Variants in CYP2J2 observed in about 807,000 individuals in gnomAD.
CYP2J2 encodes the protein cytochrome P450 2J2.
A neutral mutation model predicts 48.8 loss-of-function variants in CYP2J2; 41 were observed. The ratio of observed to expected loss-of-function variants is 0.84; its 90% CI spans 0.66 to 1.09. The LOEUF is 1.09. CYP2J2 is among the 50% of genes least tolerant of loss of function. CYP2J2 has a pLI of 0.00. For synonymous variants in CYP2J2, 221 were observed against 227.1 expected (o/e 0.97, Z 0.24); for missense variants, 644 against 617.3 (o/e 1.04, Z -0.46).
chr1:59,930,036 G>A (rs1644595660), upstream of CYP2J2, among the ~76,000 whole-genome samples: 1 of 151,722 alleles, frequency 6.6e-6, no homozygotes, highest in Non-Finnish European at 1.5e-5. Context: ...AGTTCATTCA[G>A]TAAGTTGGAA....
the CYP2J2 span, among the ~76,000 whole-genome samples, chr1:59,937,512 A>G: frequency 1.3e-5 from 2 of 152,080 alleles, no homozygotes; most frequent in South Asian, 2.1e-4. Context: ...GAACTAACTT[A>G]AACACAGTTA....
At chr1:59,940,653 T>G in the CYP2J2 span, among the ~76,000 whole-genome samples, 1 of 152,222 alleles carries the variant, frequency 6.6e-6, no homozygotes, top group Admixed American at 6.5e-5. Flanking sequence ...AAAAGATACC[T>G]GCATTTGTAT....
intron 1 of CYP2J2, among the ~76,000 whole-genome samples, chr1:59,918,550 C>G (rs562121965): frequency 2.6e-5 from 4 of 152,056 alleles, no homozygotes; most frequent in Admixed American, 1.3e-4. Context: ...ACAATTCTTA[C>G]GTGCACCCTG....
chr1:59,943,465 T>G, the CYP2J2 span, among the ~76,000 whole-genome samples: 2 of 152,018 alleles, frequency 1.3e-5, no homozygotes, highest in Non-Finnish European at 2.9e-5. Flanking sequence ...GAGAGAGGAA[T>G]ATGTTGTTGG....
chr1:59,921,429 A>T (rs1644514402), intron 1 of CYP2J2, among the ~76,000 whole-genome samples: 1 of 152,152 alleles, frequency 6.6e-6, no homozygotes, highest in Non-Finnish European at 1.5e-5. Context: ...ACATGCAGTC[A>T]GGGAGGTTTC....
At chr1:59,912,614 A>C (rs899309046) in intron 2 of CYP2J2, 1 of 256,358 alleles carries the variant, frequency 3.9e-6, no homozygotes, top group East Asian at 7.8e-5. Flanking sequence ...ACTGAGGAAC[A>C]AGGGATAAAG....
the CYP2J2 span, among the ~76,000 whole-genome samples, chr1:59,960,853 T>C: frequency 6.6e-6 from 1 of 151,926 alleles, no homozygotes; most frequent in East Asian, 1.9e-4. Flanking sequence ...AAAAAGAAAA[T>C]AAAATAAAGG....
the CYP2J2 span, among the ~76,000 whole-genome samples, chr1:59,946,202 T>C: frequency 2.0e-5 from 3 of 152,184 alleles, no homozygotes; most frequent in Non-Finnish European, 4.4e-5. Flanking sequence ...GATCTAGGAT[T>C]CTCACCTTCT....
intron 8 of CYP2J2, 95 bp downstream of exon 8, chr1:59,900,870 A>T: frequency 7.0e-7 from 1 of 1,418,782 alleles, no homozygotes; most frequent in Non-Finnish European, 9.8e-7. Context: ...GGCTGTCTGG[A>T]GACATTCCAA....
chr1:59,948,928 GGCTGAGGAAGGAGGATGGCTTGA>G, the CYP2J2 span, among the ~76,000 whole-genome samples: 7 of 152,144 alleles, frequency 4.6e-5, no homozygotes, highest in Non-Finnish European at 8.8e-5. Flanking sequence ...CTACTCAGGA[GGCTGAGGAAGGAGGATGGCTTGA>G]GCCTAGCAGT....
At chr1:59,916,195 G>C in intron 1 of CYP2J2, 95 bp from the exon 2 acceptor site, 1 of 1,030,412 alleles carries the variant, frequency 9.7e-7, no homozygotes, top group Non-Finnish European at 1.4e-6. Flanking sequence ...ATATTGAGAG[G>C]AGTGCGTGTG....
At chr1:59,961,294 A>T in the CYP2J2 span, among the ~76,000 whole-genome samples, 17 of 152,220 alleles carry the variant, frequency 1.1e-4, no homozygotes, top group Non-Finnish European at 2.2e-4. Flanking sequence ...TAAAAGGCAA[A>T]TAACACAATT....
At chr1:59,966,277 A>G in the CYP2J2 span, among the ~76,000 whole-genome samples, 2 of 152,210 alleles carry the variant, frequency 1.3e-5, no homozygotes, top group African/African-American at 4.8e-5. Flanking sequence ...CCTCAACTTT[A>G]TCTCTTTCCA....
At chr1:59,916,360 A>G (rs1387070200) in intron 1 of CYP2J2, among the ~76,000 whole-genome samples, 1 of 152,204 alleles carries the variant, frequency 6.6e-6, no homozygotes, top group African/African-American at 2.4e-5. Flanking sequence ...ATATCTATTT[A>G]TGTATTCAAC....
the CYP2J2 span, among the ~76,000 whole-genome samples, chr1:59,968,452 G>T: frequency 2.0e-5 from 3 of 152,180 alleles, no homozygotes; most frequent in Non-Finnish European, 2.9e-5. Context: ...CTGCTGTCAG[G>T]ACGCTTGGAG....
the CYP2J2 span, among the ~76,000 whole-genome samples, chr1:59,940,535 A>C: frequency 6.6e-6 from 1 of 152,218 alleles, no homozygotes; most frequent in South Asian, 2.1e-4. Context: ...TACAACCTTT[A>C]GGGAAAACAG....
chr1:59,910,316 T>A (rs965252903), intron 4 of CYP2J2, among the ~76,000 whole-genome samples: 20 of 152,202 alleles, frequency 1.3e-4, no homozygotes, highest in African/African-American at 4.8e-4. Flanking sequence ...TGGGTCTTTT[T>A]AGAAATATAT....
At chr1:59,941,795 T>A in the CYP2J2 span, among the ~76,000 whole-genome samples, 5 of 152,136 alleles carry the variant, frequency 3.3e-5, no homozygotes, top group Admixed American at 3.3e-4. Context: ...TATAATGACA[T>A]AAAGAAATGA....
intron 8 of CYP2J2, among the ~76,000 whole-genome samples, chr1:59,898,789 A>C (rs1644291901): frequency 6.6e-6 from 1 of 152,190 alleles, no homozygotes; most frequent in Non-Finnish European, 1.5e-5. Context: ...ATACCTATCC[A>C]TTTCCTGCCT....
Sources: allele counts gnomAD v4.1 joint callset (sites outside exome capture counted in the v4.1 genomes callset), GRCh38; gene constraint gnomAD v4.1.1; transcripts MANE v1.5; gene names NCBI Gene and HGNC (gene_info 2026-07-23, HGNC 2026-07-21).